The following PPFIA4 variants were observed in gnomAD, a reference collection of about 807,000 sequenced individuals.
PPFIA4 encodes liprin-alpha-4.
In PPFIA4, 98 loss-of-function variants were observed where a neutral mutation model predicts 145.7. The ratio of observed to expected loss-of-function variants is 0.67; its 90% CI spans 0.57 to 0.80. The LOEUF is 0.80. PPFIA4 is among the 30% of genes least tolerant of loss of function. The pLI is 0.00. For missense variants in PPFIA4, 1,457 were observed against 1,632.7 expected, an observed-to-expected ratio of 0.89 and a Z score of 1.85; for synonymous variants, 628 against 649.6, an observed-to-expected ratio of 0.97 and a Z score of 0.51.
chr1:203,044,535 A>G (rs4950909), intron 5 of PPFIA4, 82 bp downstream of exon 5: 99,618 of 1,459,142 alleles, frequency 0.068, 4,330 homozygotes, highest in East Asian at 0.24. Context: ...GTTTCTTGTC[A>G]GATTTCTCCC....
In PPFIA4 at chr1:203,029,059, G is replaced by T. The variant is rs981152260; in HGVS notation, c.-400+2430G>T. 3.9e-5 allele frequency among the ~76,000 whole-genome samples: 6 copies of T among 152,086 alleles called. 1 individual carries two copies. Among genetic ancestry groups the T allele is most frequent in the Non-Finnish European group, 8.8e-5 (6 of 68,018 alleles). ...CCTGAGGCAACTGAGAATGTCACAG[G>T]GACAGGGCTGGTGGGGGAAACAGCA... On this transcript the variant is annotated intron_variant, in intron 1 of 29. Coordinates refer to ENST00000295706, the MANE Select transcript of PPFIA4 (RefSeq NM_001304331.2).
rs766947520 is a variant in PPFIA4, at chr1:203,060,340, C to T, written c.2707C>T (p.His903Tyr). ...QREIGISNALHRLKLRLAIQE... is the reference protein window; with the variant it reads ...QREIGISNALYRLKLRLAIQE... The stretch of plus-strand genomic sequence containing the variant: ...GGAGATCGGCATCAGCAATGCCCTG[C>T]ACCGGCTCAAGCTCCGCCTGGCCAT... Residue 903 changes from histidine (H) to tyrosine (Y), a missense_variant, in exon 22 of 30, where the codon CAC becomes TAC. Physicochemically the swap from His to Tyr is moderately conservative, Grantham distance 83. Transcript: ENST00000295706. The surrounding 1 kb of genome is among the most constrained non-coding windows in gnomAD (Gnocchi z 4.8). 2.0e-5 allele frequency: 32 copies of T among 1,613,964 alleles called. No homozygotes were observed. Among genetic ancestry groups the T allele is most frequent in the Non-Finnish European group, 2.6e-5 (31 of 1,179,940 alleles).
chr1:203,044,208 A>G, intron 4 of PPFIA4, 113 bp downstream of exon 4: 1 of 1,285,320 alleles, frequency 7.8e-7, no homozygotes, highest in Non-Finnish European at 1.1e-6. Context: ...GCTCCCTCCA[A>G]ACATTGTCTT....
intron 9 of PPFIA4, among the ~76,000 whole-genome samples, chr1:203,047,385 G>C (rs1316696087): frequency 6.6e-6 from 1 of 152,202 alleles, no homozygotes; most frequent in Admixed American, 6.5e-5. Context: ...AATCACAGCA[G>C]AGGATGTTAT....
intron 1 of PPFIA4, among the ~76,000 whole-genome samples, chr1:203,029,142 G>C (rs1658644408): frequency 6.6e-6 from 1 of 152,152 alleles, no homozygotes; most frequent in Admixed American, 6.5e-5. Context: ...GTCTGAGCCT[G>C]AGACCTCCCC....
chr1:203,052,053 C>CCA (rs1553257084), intron 14 of PPFIA4, among the ~76,000 whole-genome samples, 176 bp downstream of exon 14: 1 of 145,704 alleles, frequency 6.9e-6, no homozygotes, highest in Admixed American at 6.8e-5. Context: ...GTGCCCCCCC[C>CCA]CCCGCTTGCC....
intron 19 of PPFIA4, among the ~76,000 whole-genome samples, chr1:203,057,401 C>G (rs997679719): frequency 6.6e-6 from 1 of 152,186 alleles, no homozygotes; most frequent in Non-Finnish European, 1.5e-5. Flanking sequence ...CTAATTATAG[C>G]TTTGTAGACA....
At position 203,068,567 on chromosome 1, in the gene PPFIA4, A is replaced by G. The variant is rs774298854; in HGVS notation, c.3263A>G (p.Asp1088Gly). The G allele has an allele frequency of 2.5e-6, 4 of 1,600,222 alleles. No individual in the cohort carries two copies. In the African/African-American group the frequency reaches 5.4e-5, roughly 22 times the overall value. The change falls in exon 27 of 30, where the codon GAC (aspartate) becomes GGC (glycine). Residue 1088 changes from aspartate (D) to glycine (G), a missense_variant. By Grantham distance (94) the Asp-to-Gly change is moderately conservative (BLOSUM62 -1). Around this residue, in one of 3 missense-constraint regions of PPFIA4, gnomAD observed 848 missense variants for 1,046.7 expected, o/e 0.81. Transcript: ENST00000295706. This position sits in a 1 kb window ranked among gnomAD's most constrained non-coding sequence, Gnocchi z 4.7. ...GTGCATGGAGCCTTGCTGGCCCTGG[A>G]CGAGAACTTCGACCACAACACACTG... ...SGVHGALLAL[D>G]ENFDHNTLAL...
At chr1:203,070,357 G>A (rs573295454) in intron 27 of PPFIA4, among the ~76,000 whole-genome samples, 183 of 152,146 alleles carry the variant, frequency 1.2e-3, no homozygotes, top group Middle Eastern at 3.4e-3. Flanking sequence ...AAGGTGGGAG[G>A]ATTGCTTGAG....
intron 27 of PPFIA4, among the ~76,000 whole-genome samples, chr1:203,069,511 T>A (rs764613458): frequency 6.6e-6 from 1 of 152,234 alleles, no homozygotes; most frequent in Non-Finnish European, 1.5e-5. Context: ...TCTTTTAGGC[T>A]TTCCTCATAT....
chr1:203,055,656 T>G lies in PPFIA4; in HGVS notation c.2054T>G (p.Met685Arg). The G allele has an allele frequency of 1.2e-6, 2 of 1,613,896 alleles. No individual in the cohort carries two copies. The highest frequency in any genetic ancestry group is 1.7e-6 in the Non-Finnish European group (2 of 1,179,860). The change falls in exon 16 of 30, where the codon ATG becomes AGG. Residue 685 changes from methionine (M) to arginine (R), a missense_variant. Coordinates refer to ENST00000295706, the MANE Select transcript of PPFIA4 (RefSeq NM_001304331.2). The surrounding 1 kb of genome is among the most constrained non-coding windows in gnomAD (Gnocchi z 4.8). ...SRSAAQDLDR[M>R]GVMTLPSDLR... ...AGTGCTGCCCAGGACCTGGACCGAA[T>G]GGGGGTCATGACCCTGGTGAGAGGC...
rs748469437 is a variant in PPFIA4, at chr1:203,045,989, TACC to T, written c.1005+3_1005+5del. On this transcript the variant is annotated splice_donor_5th_base_variant and intron_variant, in intron 8 of 29. Coordinates refer to ENST00000295706, the MANE Select transcript of PPFIA4 (RefSeq NM_001304331.2). Reference sequence around the variant, plus strand: ...AACAAGGAGTCCCTGCACCGCCAGGTACCTCCTCAGGGTGGGGTGGGGATGGGC... The same window carrying T: ...AACAAGGAGTCCCTGCACCGCCAGGTTCCTCAGGGTGGGGTGGGGATGGGC... 2 of 1,612,516 alleles carry T rather than the reference TACC, an allele frequency of 1.2e-6. No individual in the cohort carries two copies. Among genetic ancestry groups the T allele is most frequent in the Non-Finnish European group, 1.7e-6 (2 of 1,179,846 alleles).
intron 1 of PPFIA4, among the ~76,000 whole-genome samples, chr1:203,029,428 A>AC (rs1186125007): frequency 6.6e-6 from 1 of 152,174 alleles, no homozygotes; most frequent in African/African-American, 2.4e-5. Flanking sequence ...CTCAGCACTG[A>AC]CCCCCTGGCT....
chr1:203,076,705 TCTGGACCCAGCCTGGTCTGCA>T lies in PPFIA4; in HGVS notation c.*319_*339del. The T allele has an allele frequency of 2.3e-6, 1 of 435,562 alleles. No homozygotes were observed. Among genetic ancestry groups the T allele is most frequent in the Non-Finnish European group, 4.2e-6 (1 of 237,022 alleles). 27.0% of individuals were successfully genotyped at this position (435,562 alleles called of 1,614,324 possible). A position where few individuals can be genotyped will look rare whatever the true frequency, so the allele number is the denominator to read the frequency against. Reference sequence around the variant, plus strand: ...GTGGATGTGAAGCCACCCTTCCTCTTCTGGACCCAGCCTGGTCTGCACTGCAACCTCCACCAGGACCAGGAT... The same window carrying T: ...GTGGATGTGAAGCCACCCTTCCTCTTCTGCAACCTCCACCAGGACCAGGAT... On this transcript the variant is annotated 3_prime_UTR_variant, in exon 30 of 30. Transcript: ENST00000295706.
At chr1:203,031,937 C>A (rs1658860109) in intron 1 of PPFIA4, among the ~76,000 whole-genome samples, 1 of 151,960 alleles carries the variant, frequency 6.6e-6, no homozygotes, top group South Asian at 2.1e-4. Context: ...TATATGATCT[C>A]TATTAGACAG....
At chr1:203,026,908 G>C (rs150310073) in intron 1 of PPFIA4, among the ~76,000 whole-genome samples, 1 of 152,180 alleles carries the variant, frequency 6.6e-6, no homozygotes, top group African/African-American at 2.4e-5. Context: ...AGGGGAGGGG[G>C]CCGAGTTGGC....
chr1:203,068,617 C>G lies in PPFIA4; in HGVS notation c.3313C>G (p.Gln1105Glu), dbSNP rs1661901634. ...TLALILQIPT[Q>E]NTQARQVMER... Reference sequence around the variant, plus strand: ...GGCCCTGATCCTCCAGATCCCCACACAGAACACCCAGGTGGGCAGCCTTTT... The same window carrying G: ...GGCCCTGATCCTCCAGATCCCCACAGAGAACACCCAGGTGGGCAGCCTTTT... Residue 1105 changes from glutamine to glutamate, a missense_variant, in exon 27 of 30, where the codon CAG (glutamine) becomes GAG (glutamate). Around this residue, in one of 3 missense-constraint regions of PPFIA4, gnomAD observed 848 missense variants for 1,046.7 expected, o/e 0.81. Transcript: ENST00000295706. This position sits in a 1 kb window ranked among gnomAD's most constrained non-coding sequence, Gnocchi z 4.7. 1 of 1,534,364 alleles carries G rather than the reference C, an allele frequency of 6.5e-7. No homozygotes were observed. The highest frequency in any genetic ancestry group is 8.7e-7 in the Non-Finnish European group (1 of 1,144,350).
chr1:203,074,437 T>C (rs1662378650), intron 28 of PPFIA4, among the ~76,000 whole-genome samples: 1 of 135,832 alleles, frequency 7.4e-6, no homozygotes, highest in African/African-American at 2.6e-5. Context: ...ATGCCATCCA[T>C]TACTGACTGA....
Position 203,060,739 on chromosome 1 carries a change from G to T in PPFIA4, c.2785-231G>T, listed in dbSNP as rs551851363. 5.3e-5 allele frequency among the ~76,000 whole-genome samples: 8 copies of T among 152,344 alleles called. No homozygotes were observed. The highest frequency in any genetic ancestry group is 2.0e-4 in the Admixed American group (3 of 15,304). On this transcript the variant is annotated intron_variant, in intron 22 of 29. Transcript: ENST00000295706. The surrounding 1 kb of genome is among the most constrained non-coding windows in gnomAD (Gnocchi z 4.8). ...TGGTTGTCAGGTTGGGGGAAACAAAGGGAAGAGGGCATTTGTGAATATTGT... is the reference window on the plus strand; with the variant it reads ...TGGTTGTCAGGTTGGGGGAAACAAATGGAAGAGGGCATTTGTGAATATTGT...
Sources: gnomAD v4.1 joint callset for allele counts (sites outside exome capture counted in the v4.1 genomes callset) on GRCh38, gnomAD v4.1.1 for gene constraint, gnomAD v4.1.1 regional missense constraint, Gnocchi (gnomAD v3.1) non-coding constraint, MANE v1.5 for transcripts, NCBI Gene and HGNC (gene_info 2026-07-23, HGNC 2026-07-21) for gene names.